Variants in NCKAP5 observed in about 807,000 individuals in gnomAD.
The protein encoded by NCKAP5 is nck-associated protein 5.
A neutral mutation model predicts 167.0 loss-of-function variants in NCKAP5; 92 were observed. The ratio of observed to expected loss-of-function variants is 0.55; its 90% confidence interval spans 0.47 to 0.66. The LOEUF (loss-of-function observed/expected upper bound fraction) is 0.66. Among genes scored for constraint, NCKAP5 ranks in the 30% least tolerant of loss-of-function variants. The pLI, the probability that NCKAP5 is intolerant of heterozygous loss-of-function variation, is 0.00. For synonymous variants in NCKAP5, 891 were observed against 877.4 expected (o/e 1.02, Z -0.27); for missense variants, 2,378 against 2,315.0 (o/e 1.03, Z -0.56).
At chr2:132,962,728 C>T (rs557945779) in intron 8 of NCKAP5, among the ~76,000 whole-genome samples, 72 of 152,220 alleles carry the variant, frequency 4.7e-4, no homozygotes, top group African/African-American at 1.6e-3. Flanking sequence ...GTAACTGGGA[C>T]TACAGGCACG....
the NCKAP5 span, among the ~76,000 whole-genome samples, chr2:133,627,599 C>T: frequency 3.9e-5 from 6 of 152,148 alleles, no homozygotes; most frequent in Admixed American, 3.9e-4. Flanking sequence ...CACGGCGAAA[C>T]CCCGTCTCCA....
At chr2:132,755,854 A>AAATAAC in intron 16 of NCKAP5, among the ~76,000 whole-genome samples, 1 of 143,806 alleles carries the variant, frequency 7.0e-6, no homozygotes, top group South Asian at 2.2e-4. Context: ...CTAAATGGCA[A>AAATAAC]AATAATAATA....
chr2:133,329,126 C>T (rs1040144747), intron 3 of NCKAP5, among the ~76,000 whole-genome samples: 2 of 152,174 alleles, frequency 1.3e-5, no homozygotes, highest in African/African-American at 2.4e-5. Flanking sequence ...TTTTCCACCT[C>T]GCTGAAGAGG....
chr2:133,047,248 GTGTTAGACAC>G (rs1220644981), intron 6 of NCKAP5, among the ~76,000 whole-genome samples: 1 of 152,162 alleles, frequency 6.6e-6, no homozygotes, highest in Non-Finnish European at 1.5e-5. Context: ...AAACAATGCT[GTGTTAGACAC>G]TTTTCAGAAA....
At chr2:132,724,086 T>G (rs1286484640) in intron 19 of NCKAP5, among the ~76,000 whole-genome samples, 1 of 152,128 alleles carries the variant, frequency 6.6e-6, no homozygotes, top group African/African-American at 2.4e-5. Flanking sequence ...CATTGGCCAT[T>G]CCCTCTACTG....
chr2:133,404,477 T>C (rs1688300976), intron 3 of NCKAP5, among the ~76,000 whole-genome samples: 1 of 152,142 alleles, frequency 6.6e-6, no homozygotes, highest in African/African-American at 2.4e-5. Context: ...AGTAAAAGAT[T>C]AACGATAACT....
intron 3 of NCKAP5, among the ~76,000 whole-genome samples, chr2:133,365,154 T>G (rs1685374178): frequency 6.6e-6 from 1 of 150,902 alleles, no homozygotes. Flanking sequence ...TCATGAGAGT[T>G]TTGACTGTGT....
At chr2:132,988,458 C>T (rs2077356899) in intron 7 of NCKAP5, among the ~76,000 whole-genome samples, 2 of 104,976 alleles carry the variant, frequency 1.9e-5, no homozygotes, top group Admixed American at 1.0e-4. Flanking sequence ...AAGACTTTGC[C>T]TCAAAAAAAA....
chr2:132,804,201 C>T (rs925322437), intron 11 of NCKAP5, among the ~76,000 whole-genome samples: 1 of 152,150 alleles, frequency 6.6e-6, no homozygotes, highest in African/African-American at 2.4e-5. Context: ...AGGAGGACAG[C>T]TGAAGAGTGA....
chr2:133,190,897 C>T (rs1463310523), intron 5 of NCKAP5, among the ~76,000 whole-genome samples: 2 of 152,180 alleles, frequency 1.3e-5, no homozygotes, highest in South Asian at 2.1e-4. Context: ...AAAGCAATGG[C>T]AACAAAAGCC....
At chr2:133,526,165 G>GAGGAAGGAAGGAAGGAAGGAAGGA (rs1203618783) in intron 2 of NCKAP5, among the ~76,000 whole-genome samples, 1 of 69,874 alleles carries the variant, frequency 1.4e-5, no homozygotes, top group African/African-American at 5.9e-5. Flanking sequence ...GAAAGGGAAT[G>GAGGAAGGAAGGAAGGAAGGAAGGA]AGGAAGGAAG....
intron 4 of NCKAP5, among the ~76,000 whole-genome samples, chr2:133,238,518 G>A (rs1344557388): frequency 2.0e-5 from 3 of 152,134 alleles, no homozygotes; most frequent in African/African-American, 4.8e-5. Context: ...GAAGACACAG[G>A]CACCGTTGTT....
chr2:133,369,833 T>C (rs558564342), intron 3 of NCKAP5, among the ~76,000 whole-genome samples: 2 of 152,358 alleles, frequency 1.3e-5, no homozygotes, highest in East Asian at 3.9e-4. Context: ...ATACAAGTAG[T>C]TACATCTTCC....
At chr2:133,430,374 T>G (rs915196083) in intron 3 of NCKAP5, among the ~76,000 whole-genome samples, 1 of 152,202 alleles carries the variant, frequency 6.6e-6, no homozygotes. Flanking sequence ...GCTCTTTAGT[T>G]TAATTAAGTC....
At position 133,059,934 on chromosome 2, in the gene NCKAP5, GA is replaced by G. The variant is rs34377278; in HGVS notation, c.342-65696del. Among the ~76,000 whole-genome samples the G allele has an allele frequency of 3.5e-3, 506 of 142,564 alleles. 1 individual carries two copies. The highest frequency in any genetic ancestry group is 0.011 in the African/African-American group (434 of 38,780). The allele number at this position is 142,564 out of a possible 152,430, so 93.5% of individuals were successfully genotyped here. On this transcript the variant is annotated intron_variant, in intron 6 of 19. Transcript: ENST00000409261. ...CTTTGACCAAATTACAATTTCTCCAGAAAAAAAAAAATGAGGGAGGAAAGAG... is the reference window on the plus strand; with the variant it reads ...CTTTGACCAAATTACAATTTCTCCAGAAAAAAAAAATGAGGGAGGAAAGAG...
chr2:132,821,084 C>T (rs1195982587), intron 11 of NCKAP5, among the ~76,000 whole-genome samples: 1 of 152,168 alleles, frequency 6.6e-6, no homozygotes, highest in East Asian at 1.9e-4. Context: ...TGTGGACTCA[C>T]ACCATGATCT....
chr2:133,156,063 T>A (rs1332797984), intron 5 of NCKAP5, among the ~76,000 whole-genome samples: 2 of 152,130 alleles, frequency 1.3e-5, no homozygotes, highest in East Asian at 3.9e-4. Context: ...CCAGTTTCTG[T>A]ACTGTCTCTC....
intron 2 of NCKAP5, among the ~76,000 whole-genome samples, chr2:133,543,806 C>T (rs889977395): frequency 1.3e-5 from 2 of 152,226 alleles, no homozygotes; most frequent in Non-Finnish European, 2.9e-5. Context: ...GTGTCTACAA[C>T]TTGTTCCCCT....
Position 132,767,239 on chromosome 2 carries a change from CTTTTTTTCTT to C in NCKAP5, c.5128+6567_5128+6576del, listed in dbSNP as rs549851670. Among the ~76,000 whole-genome samples the C allele has an allele frequency of 9.7e-3, 1,470 of 152,102 alleles. 15 individuals carry two copies. Among genetic ancestry groups the C allele is most frequent in the Non-Finnish European group, 0.013 (888 of 67,966 alleles). On this transcript the variant is annotated intron_variant, in intron 16 of 19. Coordinates refer to ENST00000409261, the MANE Select transcript of NCKAP5 (RefSeq NM_207363.3). Reference sequence around the variant, plus strand: ...ATAGATCCCAAGAGTTCTTATTCTTCTTTTTTTCTTTTTTTTTCTTTTTTGAGACAGAGCT... The same window carrying C: ...ATAGATCCCAAGAGTTCTTATTCTTCTTTTTTTCTTTTTTGAGACAGAGCT...
Sources: allele counts gnomAD v4.1 joint callset (sites outside exome capture counted in the v4.1 genomes callset), GRCh38; gene constraint gnomAD v4.1.1; transcripts MANE v1.5; gene names NCBI Gene and HGNC (gene_info 2026-07-23, HGNC 2026-07-21).